The following ZGPAT variants were observed in gnomAD, a reference collection of about 807,000 sequenced individuals.
ZGPAT encodes zinc finger CCCH-type and G-patch domain containing, also known as zinc finger CCCH-type with G patch domain-containing protein.
A neutral mutation model predicts 47.9 loss-of-function variants in ZGPAT; 39 were observed. The ratio of observed to expected loss-of-function variants is 0.81; its 90% CI spans 0.63 to 1.06. The LOEUF (loss-of-function observed/expected upper bound fraction) is 1.06, where lower values mean the gene tolerates loss of function less well. ZGPAT is among the 50% of genes least tolerant of loss of function. The probability of loss-of-function intolerance (pLI) is 0.00; values close to 1 mark genes in which losing one functional copy is unlikely to be tolerated. For synonymous variants in ZGPAT, 348 were observed against 292.9 expected, an observed-to-expected ratio of 1.19 and a Z score of -1.92; for missense variants, 717 against 681.4, an observed-to-expected ratio of 1.05 and a Z score of -0.58.
At chr20:63,721,247 A>G (rs1162740801) in intron 2 of ZGPAT, among the ~76,000 whole-genome samples, 1 of 151,906 alleles carries the variant, frequency 6.6e-6, no homozygotes, top group Non-Finnish European at 1.5e-5. Context: ...AGCTACTGGG[A>G]AGACTGAGGC....
Position 63,709,049 on chromosome 20 carries a change from G to A in ZGPAT, c.469G>A (p.Glu157Lys). The change falls in exon 2 of 7, where the codon GAG (glutamate) becomes AAG (lysine). Residue 157 changes from glutamate (E) to lysine (K), a missense_variant. Coordinates refer to ENST00000355969, the MANE Select transcript of ZGPAT (RefSeq NM_181485.3). ...CAACGCCATGGTGGTGGGAACGGAA[G>A]AGGCGGAGGATGGCTCGGCGGGTGT... ...YHNAMVVGTE[E>K]AEDGSAGVRV... 2 of 1,613,766 alleles carry A rather than the reference G, an allele frequency of 1.2e-6. No homozygotes were observed. Among genetic ancestry groups the A allele is most frequent in the Non-Finnish European group, 8.5e-7 (1 of 1,180,030 alleles).
chr20:63,733,775 G>C (rs754581566), intron 4 of ZGPAT, 36 bp downstream of exon 4: 3 of 1,582,330 alleles, frequency 1.9e-6, no homozygotes, highest in Non-Finnish European at 2.6e-6. Flanking sequence ...GAGCCAGGAA[G>C]GTGGGGTCAC....
intron 2 of ZGPAT, among the ~76,000 whole-genome samples, chr20:63,729,486 A>G (rs2091875979): frequency 6.6e-6 from 1 of 152,118 alleles, no homozygotes; most frequent in South Asian, 2.1e-4. Flanking sequence ...GGGATCTTTT[A>G]TGTATGAAAA....
At chr20:63,729,331 A>G (rs2091874485) in intron 2 of ZGPAT, among the ~76,000 whole-genome samples, 1 of 152,154 alleles carries the variant, frequency 6.6e-6, no homozygotes, top group Non-Finnish European at 1.5e-5. Context: ...CTCCCGGCCC[A>G]TATTCGATTC....
intron 2 of ZGPAT, among the ~76,000 whole-genome samples, chr20:63,710,519 C>T (rs1047376924): frequency 6.6e-6 from 1 of 152,186 alleles, no homozygotes; most frequent in African/African-American, 2.4e-5. Context: ...TTCAAACATA[C>T]CCCAAATTAG....
chr20:63,726,980 C>T (rs1235827880), intron 2 of ZGPAT, among the ~76,000 whole-genome samples: 1 of 152,028 alleles, frequency 6.6e-6, no homozygotes, highest in East Asian at 1.9e-4. Context: ...TATTACAATC[C>T]ATAAACCTAC....
intron 2 of ZGPAT, among the ~76,000 whole-genome samples, chr20:63,732,110 T>C (rs2091911121): frequency 6.6e-6 from 1 of 152,094 alleles, no homozygotes; most frequent in East Asian, 1.9e-4. Flanking sequence ...TATATGCATA[T>C]ATGAGTGAGT....
At chr20:63,712,506 C>T (rs1029232600) in intron 2 of ZGPAT, among the ~76,000 whole-genome samples, 8 of 152,166 alleles carry the variant, frequency 5.3e-5, no homozygotes, top group Admixed American at 2.0e-4. Context: ...ATTTTAGGAT[C>T]GGCTTGTCCA....
rs373323421 is a variant in ZGPAT, at chr20:63,735,962, G to A, written c.*43G>A. 49 of 1,582,348 alleles carry A rather than the reference G, an allele frequency of 3.1e-5. No homozygotes were observed. The highest frequency in any genetic ancestry group is 6.9e-5 in the Admixed American group (4 of 57,628). On this transcript the variant is annotated 3_prime_UTR_variant, in exon 7 of 7. Transcript: ENST00000355969. ...TGGACGAAGCGTGGGACCCCAGCACGGGCTGCCCTCAGGAAGACCAGTGTT... is the reference window on the plus strand; with the variant it reads ...TGGACGAAGCGTGGGACCCCAGCACAGGCTGCCCTCAGGAAGACCAGTGTT...
At chr20:63,713,482 C>T (rs28810695) in intron 2 of ZGPAT, among the ~76,000 whole-genome samples, 78 of 151,842 alleles carry the variant, frequency 5.1e-4, no homozygotes, top group Non-Finnish European at 2.8e-4. Flanking sequence ...CTGCCTGCCT[C>T]GGCCTCCCAA....
intron 2 of ZGPAT, among the ~76,000 whole-genome samples, chr20:63,732,720 GTGTATATGTGTATGTC>G (rs1568800285): frequency 2.0e-5 from 3 of 151,598 alleles, no homozygotes; most frequent in African/African-American, 4.9e-5. Context: ...ACTTGTGTAT[GTGTATATGTGTATGTC>G]TGTATATGTG....
chr20:63,732,939 AGT>A lies in ZGPAT; in HGVS notation c.585-275_585-274del, dbSNP rs1418320994. On this transcript the variant is annotated intron_variant, in intron 2 of 6. Transcript: ENST00000355969. ...GTATATGCCTGCATGTATATGCACA[AGT>A]GTGTATATATGTGTATGTGTGAGTG... Among the ~76,000 whole-genome samples the A allele has an allele frequency of 3.3e-5, 5 of 150,728 alleles. No homozygotes were observed. The East Asian group carries it at 9.8e-4, about 30-fold the overall frequency.
At chr20:63,735,613 G>GC (rs905833911) in intron 6 of ZGPAT, 49 bp downstream of exon 6, 1 of 1,500,988 alleles carries the variant, frequency 6.7e-7, no homozygotes, top group Non-Finnish European at 8.9e-7. Context: ...GGGTGGCCCT[G>GC]CCCCCGGGAT....
intron 2 of ZGPAT, among the ~76,000 whole-genome samples, chr20:63,712,275 A>G (rs2091676755): frequency 6.6e-6 from 1 of 152,170 alleles, no homozygotes; most frequent in Admixed American, 6.5e-5. Flanking sequence ...TTCTCCACTG[A>G]ATGGTCTTGG....
chr20:63,730,019 C>CACACACACAT (rs67704711), intron 2 of ZGPAT: 4 of 1,416 alleles, frequency 2.8e-3, no homozygotes, highest in African/African-American at 5.3e-3. Context: ...GACTCTACTG[C>CACACACACAT]GCACACACAC....
chr20:63,713,419 A>G (rs968379468), intron 2 of ZGPAT, among the ~76,000 whole-genome samples: 1 of 151,636 alleles, frequency 6.6e-6, no homozygotes, highest in African/African-American at 2.4e-5. Context: ...TTTAGTAGAG[A>G]TGGGGTTTCA....
intron 2 of ZGPAT, among the ~76,000 whole-genome samples, chr20:63,717,332 C>CTTTT (rs1173734420): frequency 0.014 from 883 of 61,018 alleles, 2 homozygotes; most frequent in East Asian, 0.039. Flanking sequence ...TTTTTCTTTT[C>CTTTT]TTTTTTTTTT....
Position 63,733,758 on chromosome 20 carries a change from A to G in ZGPAT, c.871+19A>G, listed in dbSNP as rs2091947359. The G allele has an allele frequency of 6.3e-7, 1 of 1,593,190 alleles. No homozygotes were observed. The highest frequency in any genetic ancestry group is 8.6e-7 in the Non-Finnish European group (1 of 1,168,240). On this transcript the variant is annotated intron_variant, in intron 4 of 6. Coordinates refer to ENST00000355969, the MANE Select transcript of ZGPAT (RefSeq NM_181485.3). ...GCCAGAGGTATGGCAGCAGCTGCGG[A>G]GCCCAGGAGCCAGGAAGGTGGGGTC... is the stretch of plus-strand genomic sequence containing the variant.
At chr20:63,733,007 C>T (rs1479110900) in intron 2 of ZGPAT, among the ~76,000 whole-genome samples, 2 of 142,440 alleles carry the variant, frequency 1.4e-5, no homozygotes, top group African/African-American at 2.6e-5. Context: ...TGTATATGTG[C>T]ATGTGTGTAT....
Sources: allele counts gnomAD v4.1 joint callset (sites outside exome capture counted in the v4.1 genomes callset), GRCh38; gene constraint gnomAD v4.1.1; transcripts MANE v1.5; gene names NCBI Gene and HGNC (gene_info 2026-07-23, HGNC 2026-07-21).